Variants in VWA8 observed in about 807,000 individuals in gnomAD.
VWA8 encodes von Willebrand factor A domain-containing protein 8.
Under a neutral mutation model 241.5 loss-of-function variants are expected in VWA8, and 221 were observed. That is an observed-to-expected ratio of 0.91 (90% CI 0.82 to 1.02). The LOEUF is 1.02. VWA8 is among the 50% of genes least tolerant of loss of function. The probability of loss-of-function intolerance (pLI) is 0.00; values close to 1 mark genes in which losing one functional copy is unlikely to be tolerated. For synonymous variants in VWA8, 852 were observed against 827.1 expected, an observed-to-expected ratio of 1.03 and a Z score of -0.52; for missense variants, 2,322 against 2,328.7, an observed-to-expected ratio of 1.00 and a Z score of 0.06.
At chr13:41,772,974 T>C (rs1368992294) in intron 20 of VWA8, among the ~76,000 whole-genome samples, 2 of 152,180 alleles carry the variant, frequency 1.3e-5, no homozygotes, top group African/African-American at 2.4e-5. Context: ...GTAAAACATC[T>C]CTAGATATAA....
intron 2 of VWA8, chr13:41,927,133 C>T: frequency 2.4e-6 from 1 of 409,156 alleles, no homozygotes; most frequent in South Asian, 2.0e-5. Context: ...AGGCCAAAGC[C>T]AAGGCCACAG....
chr13:41,865,721 A>C lies in VWA8; in HGVS notation c.1425+15T>G. ...ATGCTTATAGTCCAAGTGCAGCTAA[A>C]AATGAACACTGTACCTGATAGAGCA... On this transcript the variant is annotated intron_variant, in intron 12 of 44. Transcript: ENST00000379310. 1 of 1,612,686 alleles carries C rather than the reference A, an allele frequency of 6.2e-7. No homozygotes were observed. The highest frequency in any genetic ancestry group is 8.5e-7 in the Non-Finnish European group (1 of 1,179,808).
At chr13:41,874,351 A>G (rs1400340545) in intron 9 of VWA8, among the ~76,000 whole-genome samples, 1 of 151,830 alleles carries the variant, frequency 6.6e-6, no homozygotes, top group Non-Finnish European at 1.5e-5. Context: ...TAGGCAGGAG[A>G]AGGAAATAAA....
chr13:41,891,859 T>TA (rs1265212587), intron 4 of VWA8, among the ~76,000 whole-genome samples: 1 of 152,280 alleles, frequency 6.6e-6, no homozygotes, highest in African/African-American at 2.4e-5. Flanking sequence ...TTAGATTATA[T>TA]ACCCAATGAA....
At chr13:41,845,616 C>T (rs1872255922) in intron 12 of VWA8, among the ~76,000 whole-genome samples, 1 of 151,654 alleles carries the variant, frequency 6.6e-6, no homozygotes. Context: ...ACATATACAC[C>T]ATTAAATAAT....
intron 12 of VWA8, among the ~76,000 whole-genome samples, chr13:41,855,982 A>G (rs1237300431): frequency 1.3e-5 from 2 of 152,240 alleles, no homozygotes; most frequent in African/African-American, 4.8e-5. Context: ...ACTTTACAGA[A>G]AAGGTTTGTC....
chr13:41,945,340 A>G (rs895955945), intron 2 of VWA8, among the ~76,000 whole-genome samples: 4 of 152,078 alleles, frequency 2.6e-5, no homozygotes, highest in Admixed American at 6.5e-5. Flanking sequence ...AGATTATACT[A>G]TTTAAAATGT....
intron 15 of VWA8, among the ~76,000 whole-genome samples, chr13:41,817,852 G>A (rs1593792197): frequency 6.6e-6 from 1 of 152,210 alleles, no homozygotes; most frequent in East Asian, 1.9e-4. Flanking sequence ...ATCTAGAACA[G>A]TACTGTCCAA....
intron 2 of VWA8, among the ~76,000 whole-genome samples, chr13:41,917,992 A>G (rs78430728): frequency 0.044 from 6,697 of 152,278 alleles, 224 homozygotes; most frequent in Non-Finnish European, 0.07. Flanking sequence ...CCTATTTACC[A>G]TGTAACATTC....
chr13:41,625,839 C>T lies in VWA8; in HGVS notation c.4612-10755G>A, dbSNP rs2044686477. 2.6e-5 allele frequency among the ~76,000 whole-genome samples: 4 copies of T among 151,346 alleles called. No individual in the cohort carries two copies. The South Asian group carries it at 8.4e-4, about 32-fold the overall frequency. On this transcript the variant is annotated intron_variant, in intron 37 of 44. Transcript: ENST00000379310. Reference sequence around the variant, plus strand: ...AAAGATTTGGAACCAACCCAAATGTCCAACAATGATAGACTGGATTAAGAA... The same window carrying T: ...AAAGATTTGGAACCAACCCAAATGTTCAACAATGATAGACTGGATTAAGAA...
intron 21 of VWA8, among the ~76,000 whole-genome samples, chr13:41,751,343 T>C (rs1435525049): frequency 2.0e-5 from 3 of 152,126 alleles, no homozygotes; most frequent in Non-Finnish European, 2.9e-5. Flanking sequence ...AAACAGCCTT[T>C]TCAAATTTAT....
chr13:41,618,478 T>A (rs990485197), intron 37 of VWA8, among the ~76,000 whole-genome samples: 6 of 152,126 alleles, frequency 3.9e-5, no homozygotes, highest in Admixed American at 1.3e-4. Flanking sequence ...CTTTAGTTTA[T>A]TTAGATCCCA....
intron 37 of VWA8, among the ~76,000 whole-genome samples, chr13:41,633,108 C>T (rs1448051162): frequency 6.6e-6 from 1 of 152,100 alleles, no homozygotes; most frequent in African/African-American, 2.4e-5. Flanking sequence ...ATGAAGTAAT[C>T]GTAATGTACT....
chr13:41,574,174 T>TAAA (rs59813167), intron 43 of VWA8, among the ~76,000 whole-genome samples: 17,827 of 136,842 alleles, frequency 0.13, 1,387 homozygotes, highest in South Asian at 0.24. Flanking sequence ...AAGTTTTCTG[T>TAAA]AAAAAAAAAA....
chr13:41,818,900 G>C (rs1870822558), intron 15 of VWA8, among the ~76,000 whole-genome samples: 1 of 152,200 alleles, frequency 6.6e-6, no homozygotes, highest in Admixed American at 6.5e-5. Flanking sequence ...ATGGTTCTTA[G>C]AGTGTGGTTC....
At chr13:41,884,890 T>TATAC (rs10544998) in intron 8 of VWA8, among the ~76,000 whole-genome samples, 1,510 of 150,044 alleles carry the variant, frequency 0.01, 7 homozygotes, top group Middle Eastern at 0.017. Flanking sequence ...AACATACATA[T>TATAC]ATACATACAT....
intron 40 of VWA8, among the ~76,000 whole-genome samples, chr13:41,597,565 T>C (rs1937754100): frequency 6.6e-6 from 1 of 152,156 alleles, no homozygotes; most frequent in African/African-American, 2.4e-5. Flanking sequence ...TATTCTTGGA[T>C]GGTGATGTGG....
chr13:41,573,484 A>ATATATATATATAT (rs796873882), intron 43 of VWA8, among the ~76,000 whole-genome samples: 45 of 116,992 alleles, frequency 3.8e-4, no homozygotes, highest in African/African-American at 1.5e-3. Flanking sequence ...TAAAAAAAAA[A>ATATATATATATAT]AAATATATAT....
At chr13:41,893,464 A>T (rs1026997557) in intron 4 of VWA8, among the ~76,000 whole-genome samples, 2 of 139,358 alleles carry the variant, frequency 1.4e-5, no homozygotes, top group African/African-American at 5.6e-5. Context: ...GCTTTATTTA[A>T]AAAAAAAAAA....
Sources: gnomAD v4.1 joint callset for allele counts (sites outside exome capture counted in the v4.1 genomes callset) on GRCh38, gnomAD v4.1.1 for gene constraint, MANE v1.5 for transcripts, NCBI Gene and HGNC (gene_info 2026-07-23, HGNC 2026-07-21) for gene names.